TRAPPC10: variants seen among roughly 807,000 people sequenced by gnomAD.
TRAPPC10 encodes the protein TRAPP 130 kDa subunit.
TRAPPC10 carries 23 observed loss-of-function variants against 125.5 expected under a neutral mutation model. The observed-to-expected ratio is 0.18, with a 90% confidence interval of 0.13 to 0.26. The LOEUF is 0.26. Among genes scored for constraint, TRAPPC10 ranks in the 10% least tolerant of loss-of-function variants. The pLI, the probability that TRAPPC10 is intolerant of heterozygous loss-of-function variation, is 1.00. For synonymous variants in TRAPPC10, 509 were observed against 518.0 expected, an observed-to-expected ratio of 0.98 and a Z score of 0.24; for missense variants, 1,123 against 1,308.4, an observed-to-expected ratio of 0.86 and a Z score of 2.19.
rs1261830376 is a variant in TRAPPC10 at position 44,086,945 on chromosome 21, T to C, written c.2524T>C (p.Tyr842His). ...LCQAESRAVV[Y>H]SNTREQSSEA... is the part of the protein sequence containing the mutation. ...CCAGGCGGAGAGCAGGGCTGTGGTC[T>C]ACTCCAACACGAGAGGTGAGGTGCC... Residue 842 changes from tyrosine (Y) to histidine (H), a missense_variant, in exon 16 of 23, where the codon TAC (tyrosine) becomes CAC (histidine). Around this residue, in one of 4 missense-constraint regions of TRAPPC10, gnomAD observed 840 missense variants for 902.0 expected, o/e 0.93. Transcript: ENST00000291574. 1 of 1,614,036 alleles carries C rather than the reference T, an allele frequency of 6.2e-7. No homozygotes were observed. Among genetic ancestry groups the C allele is most frequent in the African/African-American group, 1.3e-5 (1 of 74,950 alleles).
At chr21:44,016,028 A>G (rs939217855) in intron 1 of TRAPPC10, among the ~76,000 whole-genome samples, 1 of 152,224 alleles carries the variant, frequency 6.6e-6, no homozygotes, top group East Asian at 1.9e-4. Context: ...TACAGCTTGT[A>G]AATACTGAAG....
intron 2 of TRAPPC10, among the ~76,000 whole-genome samples, chr21:44,036,362 C>A (rs1292616778): frequency 6.6e-6 from 1 of 152,230 alleles, no homozygotes; most frequent in Non-Finnish European, 1.5e-5. Flanking sequence ...AGGGAAGACT[C>A]TGTCACAGCT....
chr21:44,042,075 T>A (rs1259261565), intron 3 of TRAPPC10, among the ~76,000 whole-genome samples: 1 of 152,112 alleles, frequency 6.6e-6, no homozygotes, highest in Non-Finnish European at 1.5e-5. Flanking sequence ...TTAAATTAGC[T>A]AGTTCGATTT....
At chr21:44,086,101 C>T (rs945570321) in intron 15 of TRAPPC10, among the ~76,000 whole-genome samples, 1 of 152,192 alleles carries the variant, frequency 6.6e-6, no homozygotes, top group Non-Finnish European at 1.5e-5. Flanking sequence ...GAACTCGATT[C>T]CCGCAGGGGA....
intron 2 of TRAPPC10, among the ~76,000 whole-genome samples, chr21:44,035,985 A>C (rs960296693): frequency 6.6e-6 from 1 of 152,068 alleles, no homozygotes; most frequent in Non-Finnish European, 1.5e-5. Context: ...GGAATGGGAG[A>C]GCATGGAGGA....
chr21:44,034,276 CAG>C (rs988058067), intron 2 of TRAPPC10, among the ~76,000 whole-genome samples: 4 of 152,020 alleles, frequency 2.6e-5, no homozygotes, highest in African/African-American at 9.7e-5. Context: ...CAGTTAGACT[CAG>C]GGTCCCCACT....
At chr21:44,046,954 C>A in intron 3 of TRAPPC10, 2 of 830,330 alleles carry the variant, frequency 2.4e-6, no homozygotes, top group Non-Finnish European at 4.2e-6. Context: ...GAATATGGCC[C>A]ACTGGGAACT....
At chr21:44,026,915 C>T (rs535232130) in intron 1 of TRAPPC10, among the ~76,000 whole-genome samples, 1 of 152,186 alleles carries the variant, frequency 6.6e-6, no homozygotes, top group Non-Finnish European at 1.5e-5. Context: ...ATCCATTTCT[C>T]TGTCTTTCTC....
chr21:44,082,752 A>G lies in TRAPPC10; in HGVS notation c.1724-36A>G, dbSNP rs1601794485. 1.2e-6 allele frequency: 2 copies of G among 1,607,834 alleles called. No individual in the cohort carries two copies. The highest frequency in any genetic ancestry group is 1.7e-6 in the Non-Finnish European group (2 of 1,175,912). On this transcript the variant is annotated intron_variant, in intron 13 of 22. Transcript: ENST00000291574. The surrounding 1 kb of genome is among the most constrained non-coding windows in gnomAD (Gnocchi z 4.4). The stretch of plus-strand genomic sequence containing the variant: ...CTGCTGCTTACTGTCAGGAAGTGTG[A>G]CTTGGGGAGTCACTTACGATAATGT...
chr21:44,032,216 T>A, intron 2 of TRAPPC10, 44 bp downstream of exon 2: 1 of 1,481,946 alleles, frequency 6.7e-7, no homozygotes, highest in Non-Finnish European at 9.3e-7. Flanking sequence ...TCTTCATTTT[T>A]TAAAATGAAG....
chr21:44,058,512 G>A (rs1273307069), intron 5 of TRAPPC10, among the ~76,000 whole-genome samples: 1 of 152,228 alleles, frequency 6.6e-6, no homozygotes, highest in Admixed American at 6.5e-5. Flanking sequence ...AAGACCGTGG[G>A]TGGAGCACTT....
chr21:44,059,811 A>T lies in TRAPPC10; in HGVS notation c.790+597A>T. The T allele has an allele frequency of 2.8e-6, 1 of 353,226 alleles. No homozygotes were observed. The highest frequency in any genetic ancestry group is 5.1e-6 in the Non-Finnish European group (1 of 195,894). 21.9% of individuals were successfully genotyped at this position (353,226 alleles called of 1,614,324 possible). ...TCTGTCGCTCCTTTTTGTTACTCAC[A>T]GCCCATCCTGGGCATCTCTCCAGGT... On this transcript the variant is annotated intron_variant, in intron 6 of 22. Coordinates refer to ENST00000291574, the MANE Select transcript of TRAPPC10 (RefSeq NM_003274.5). The surrounding 1 kb of genome is among the most constrained non-coding windows in gnomAD (Gnocchi z 4.4).
chr21:44,028,158 C>T (rs973433034), intron 1 of TRAPPC10, among the ~76,000 whole-genome samples: 2 of 152,148 alleles, frequency 1.3e-5, no homozygotes, highest in Non-Finnish European at 2.9e-5. Flanking sequence ...TGCATGAATA[C>T]GTGCTTGTAA....
At chr21:44,023,281 C>T (rs148421530) in intron 1 of TRAPPC10, among the ~76,000 whole-genome samples, 58 of 151,966 alleles carry the variant, frequency 3.8e-4, no homozygotes, top group East Asian at 2.9e-3. Context: ...GTGATCCTCC[C>T]GCCTCAGCCT....
At chr21:44,076,961 G>C (rs1004551262) in intron 10 of TRAPPC10, among the ~76,000 whole-genome samples, 1 of 152,204 alleles carries the variant, frequency 6.6e-6, no homozygotes, top group Non-Finnish European at 1.5e-5. Context: ...CAGAGCTATT[G>C]TATTTGATTT....
chr21:44,094,048 C>A lies in TRAPPC10; in HGVS notation c.2998-15C>A. 1 of 1,609,894 alleles carries A rather than the reference C, an allele frequency of 6.2e-7. No homozygotes were observed. Among genetic ancestry groups the A allele is most frequent in the South Asian group, 1.1e-5 (1 of 90,474 alleles). ...ATGGTGCTGTGTGAGCAGTGACCCC[C>A]AACTCTCTTTCCAGCCCATCTACAG... On this transcript the variant is annotated splice_polypyrimidine_tract_variant and intron_variant, in intron 19 of 22. Coordinates refer to ENST00000291574, the MANE Select transcript of TRAPPC10 (RefSeq NM_003274.5).
chr21:44,057,289 TTC>T lies in TRAPPC10; in HGVS notation c.678+1412_678+1413del, dbSNP rs374885797. Among the ~76,000 whole-genome samples the T allele has an allele frequency of 4.6e-5, 7 of 151,630 alleles. No homozygotes were observed. In the South Asian group the frequency reaches 1.0e-3, roughly 23 times the overall value. On this transcript the variant is annotated intron_variant, in intron 5 of 22. Transcript: ENST00000291574. The stretch of plus-strand genomic sequence containing the variant: ...CATTTAACACTACTGAGCTGTAGTC[TTC>T]TCTCTCTCTCTCTCTTTTTTTTTTT...
intron 2 of TRAPPC10, among the ~76,000 whole-genome samples, chr21:44,034,320 C>T (rs1399886270): frequency 7.0e-6 from 1 of 143,250 alleles, no homozygotes; most frequent in Non-Finnish European, 1.5e-5. Context: ...GCTGTCATTG[C>T]CCACTCCCCC....
At position 44,089,814 on chromosome 21, in the gene TRAPPC10, C is replaced by G. The variant is rs371514483; in HGVS notation, c.2770-19C>G. 2 of 1,606,098 alleles carry G rather than the reference C, an allele frequency of 1.2e-6. No homozygotes were observed. Among genetic ancestry groups the G allele is most frequent in the African/African-American group, 2.7e-5 (2 of 74,758 alleles). ...CCGTCGGCGAGTGGTCTGAGAGTGT[C>G]TTTGTGCTTCCTCCTCAGGTGTCGA... On this transcript the variant is annotated intron_variant, in intron 17 of 22. Coordinates refer to ENST00000291574, the MANE Select transcript of TRAPPC10 (RefSeq NM_003274.5).
Sources: allele counts gnomAD v4.1 joint callset (sites outside exome capture counted in the v4.1 genomes callset), GRCh38; gene constraint gnomAD v4.1.1; regional missense constraint gnomAD v4.1.1; non-coding constraint Gnocchi (gnomAD v3.1); transcripts MANE v1.5; gene names NCBI Gene and HGNC (gene_info 2026-07-23, HGNC 2026-07-21).